The following TCHP variants were observed in gnomAD, a reference collection of about 807,000 sequenced individuals.
TCHP encodes trichoplein keratin filament-binding protein.
Under a neutral mutation model 88.7 loss-of-function variants are expected in TCHP, and 81 were observed. That is an observed-to-expected ratio of 0.91 (90% CI 0.76 to 1.10). The LOEUF (loss-of-function observed/expected upper bound fraction) is 1.10, where lower values mean the gene tolerates loss of function less well. Among genes scored for constraint, TCHP ranks in the 50% least tolerant of loss-of-function variants. The probability of loss-of-function intolerance (pLI) is 0.00; values close to 1 mark genes in which losing one functional copy is unlikely to be tolerated. For synonymous variants in TCHP, 232 were observed against 232.5 expected (o/e 1.00, Z 0.02); for missense variants, 641 against 632.1 (o/e 1.01, Z -0.15).
At chr12:109,910,598 T>G (rs1212239181) in intron 8 of TCHP, among the ~76,000 whole-genome samples, 1 of 152,148 alleles carries the variant, frequency 6.6e-6, no homozygotes, top group Non-Finnish European at 1.5e-5. Context: ...GTGCCCAGCC[T>G]CCTGCATTAT....
intron 1 of TCHP, chr12:109,900,833 G>C (rs569789753): frequency 6.6e-6 from 1 of 152,334 alleles, no homozygotes; most frequent in East Asian, 1.9e-4. Flanking sequence ...CAAAACTGGA[G>C]GACCTCCAGA....
At chr12:109,912,490 CTT>C (rs1333879378) in intron 9 of TCHP, among the ~76,000 whole-genome samples, 1 of 152,158 alleles carries the variant, frequency 6.6e-6, no homozygotes, top group Non-Finnish European at 1.5e-5. Flanking sequence ...AAAAGGGTAA[CTT>C]AAAATACTTC....
the TCHP span, among the ~76,000 whole-genome samples, chr12:109,884,164 TG>T: frequency 1.3e-5 from 2 of 152,086 alleles, no homozygotes; most frequent in Non-Finnish European, 2.9e-5. Context: ...CTCTCCAGCC[TG>T]GGTAACAAAA....
Position 109,903,179 on chromosome 12 carries a change from G to A in TCHP, c.153G>A (p.Gln51=), listed in dbSNP as rs772607032. 8.1e-6 allele frequency: 13 copies of A among 1,613,600 alleles called. No individual in the cohort carries two copies. Among genetic ancestry groups the A allele is most frequent in the African/African-American group, 1.3e-5 (1 of 74,938 alleles). The part of the protein sequence containing the change: ...FRMSDICSSK[Q]AEWSSKTSYQ... ...TGTCTGACATCTGCAGCTCCAAACAGGCAGAATGGAGCTCTAAAACCTCCT... is the reference window on the plus strand; with the variant it reads ...TGTCTGACATCTGCAGCTCCAAACAAGCAGAATGGAGCTCTAAAACCTCCT... Residue 51 remains glutamine (Q), a synonymous_variant, in exon 2 of 13, where the codon CAG becomes CAA. Transcript: ENST00000405876. The surrounding 1 kb of genome is among the most constrained non-coding windows in gnomAD (Gnocchi z 4.6).
At position 109,908,630 on chromosome 12, in the gene TCHP, G is replaced by T; in HGVS notation, c.744G>T (p.Arg248=). The T allele has an allele frequency of 6.2e-7, 1 of 1,603,120 alleles. No individual in the cohort carries two copies. The highest frequency in any genetic ancestry group is 8.5e-7 in the Non-Finnish European group (1 of 1,176,112). The change falls in exon 7 of 13, where the codon CGG becomes CGT. Residue 248 remains arginine (R), a synonymous_variant. Coordinates refer to ENST00000405876, the MANE Select transcript of TCHP (RefSeq NM_001143852.2). ...AGCAGGAGAATCTGTTGAAGCAGCG[G>T]TGGGAGCTAGAGAGGCTGGAGGAAG... ...KKEQENLLKQ[R]WELERLEEER... is the part of the protein sequence containing the mutation.
At chr12:109,896,744 C>T (rs1199494810), upstream of TCHP, among the ~76,000 whole-genome samples, 2 of 151,890 alleles carry the variant, frequency 1.3e-5, no homozygotes, top group Non-Finnish European at 2.9e-5. Context: ...AACCCCAACT[C>T]TACTGAAAAA....
chr12:109,889,721 C>T, the TCHP span, among the ~76,000 whole-genome samples: 1 of 152,176 alleles, frequency 6.6e-6, no homozygotes, highest in African/African-American at 2.4e-5. Context: ...GGCAGGCAGC[C>T]CTCGATGAAT....
At chr12:109,902,456 T>G (rs1343095237) in intron 1 of TCHP, among the ~76,000 whole-genome samples, 2 of 152,148 alleles carry the variant, frequency 1.3e-5, no homozygotes, top group African/African-American at 2.4e-5. Context: ...CCACTGTGTC[T>G]GGCTAAGGTT....
chr12:109,890,715 G>A, the TCHP span, among the ~76,000 whole-genome samples: 2 of 152,178 alleles, frequency 1.3e-5, no homozygotes, highest in South Asian at 4.2e-4. Flanking sequence ...TCACCACGTT[G>A]GCCAGGCTGG....
In TCHP at chr12:109,903,991, G is replaced by T; in HGVS notation, c.243G>T (p.Glu81Asp). 6.2e-7 allele frequency: 1 copy of T among 1,611,398 alleles called. No homozygotes were observed. The highest frequency in any genetic ancestry group is 8.5e-7 in the Non-Finnish European group (1 of 1,178,956). Reference sequence around the variant, plus strand: ...AGGAGGAGAAGAGGAGGAGTCTGGAGGCCCGACGGGAAAAGCTCAGGCAGC... The same window carrying T: ...AGGAGGAGAAGAGGAGGAGTCTGGATGCCCGACGGGAAAAGCTCAGGCAGC... ...KMKEEKRRSLEARREKLRQLM... is the reference protein window; with the variant it reads ...KMKEEKRRSLDARREKLRQLM... The change falls in exon 3 of 13, where the codon GAG becomes GAT. Residue 81 changes from glutamate to aspartate, a missense_variant. Coordinates refer to ENST00000405876, the MANE Select transcript of TCHP (RefSeq NM_001143852.2). This position sits in a 1 kb window ranked among gnomAD's most constrained non-coding sequence, Gnocchi z 4.6.
the TCHP span, among the ~76,000 whole-genome samples, chr12:109,893,722 C>G: frequency 1.3e-5 from 2 of 151,960 alleles, no homozygotes; most frequent in African/African-American, 2.4e-5. Context: ...GTGTGTTGGT[C>G]GAGTGAAACA....
the TCHP span, among the ~76,000 whole-genome samples, chr12:109,884,870 G>A: frequency 1.3e-5 from 2 of 152,218 alleles, no homozygotes; most frequent in African/African-American, 2.4e-5. Context: ...CAGAATCACA[G>A]TACATCCATC....
At chr12:109,897,541 TTTC>T (rs1869592286), upstream of TCHP, among the ~76,000 whole-genome samples, 1 of 145,360 alleles carries the variant, frequency 6.9e-6, no homozygotes, top group African/African-American at 2.8e-5. Context: ...CATATTTCTT[TTTC>T]TTTTCTTTTC....
At chr12:109,890,124 G>A in the TCHP span, among the ~76,000 whole-genome samples, 1 of 152,132 alleles carries the variant, frequency 6.6e-6, no homozygotes, top group South Asian at 2.1e-4. Flanking sequence ...CATCTACAGG[G>A]GCAGCCTCAG....
At chr12:109,894,371 A>T in the TCHP span, among the ~76,000 whole-genome samples, 2 of 150,310 alleles carry the variant, frequency 1.3e-5, no homozygotes, top group Non-Finnish European at 3.0e-5. Context: ...GAGGCAGGAG[A>T]ATGGTGTGAA....
the TCHP span, among the ~76,000 whole-genome samples, chr12:109,889,595 A>G: frequency 1.3e-5 from 2 of 151,974 alleles, no homozygotes; most frequent in African/African-American, 2.4e-5. Flanking sequence ...GTGTGTGTAA[A>G]TCTTCCCTCT....
intron 11 of TCHP, 66 bp from the exon 12 acceptor site, chr12:109,915,337 C>A (rs1870748227): frequency 6.2e-7 from 1 of 1,611,490 alleles, no homozygotes; most frequent in Admixed American, 1.7e-5. Flanking sequence ...TTACCTTCCT[C>A]ATCAGAGGCA....
intron 1 of TCHP, 92 bp downstream of exon 1, chr12:109,900,518 G>A (rs1592903490): frequency 6.6e-6 from 1 of 152,234 alleles, no homozygotes; most frequent in African/African-American, 2.4e-5. Context: ...GGCAGTCAGC[G>A]GGCGCGAGCT....
the TCHP span, among the ~76,000 whole-genome samples, chr12:109,891,166 A>G: frequency 2.0e-5 from 3 of 152,246 alleles, no homozygotes; most frequent in Admixed American, 6.5e-5. Context: ...TTTTGATTCC[A>G]TGGGAACACT....
Sources: gnomAD v4.1 joint callset for allele counts (sites outside exome capture counted in the v4.1 genomes callset) on GRCh38, gnomAD v4.1.1 for gene constraint, Gnocchi (gnomAD v3.1) non-coding constraint, MANE v1.5 for transcripts, NCBI Gene and HGNC (gene_info 2026-07-23, HGNC 2026-07-21) for gene names.